The following ERBB4 variants were observed in gnomAD, a reference collection of about 807,000 sequenced individuals.
The protein encoded by ERBB4 is erb-b2 receptor tyrosine kinase 4, also known as receptor tyrosine-protein kinase erbB-4.
In ERBB4, 42 loss-of-function variants were observed where a neutral mutation model predicts 158.0. That is an observed-to-expected ratio of 0.27 (90% CI 0.21 to 0.34). ERBB4 has a LOEUF of 0.34. ERBB4 is among the 10% of genes least tolerant of loss of function. ERBB4 has a pLI of 1.00. For missense variants in ERBB4, 1,333 were observed against 1,624.1 expected (o/e 0.82, Z 3.08); for synonymous variants, 583 against 558.7 (o/e 1.04, Z -0.61).
At chr2:212,519,651 C>A (rs554478750) in intron 1 of ERBB4, among the ~76,000 whole-genome samples, 3 of 151,834 alleles carry the variant, frequency 2.0e-5, no homozygotes, top group African/African-American at 7.2e-5. Context: ...CTGGGTGAAT[C>A]TGTCGGACAT....
Position 211,954,661 on chromosome 2 carries a change from G to T in ERBB4, c.235-7045C>A, listed in dbSNP as rs571052141. Among the ~76,000 whole-genome samples, 12 of 152,108 alleles carry T rather than the reference G, an allele frequency of 7.9e-5. No homozygotes were observed. In the East Asian group the frequency reaches 2.1e-3, roughly 27 times the overall value. Reference sequence around the variant, plus strand: ...ACAGAGAACTATGGTGGTAAGAGGGGGGGTAATAGAAAGTCCCTTCTGCTG... The same window carrying T: ...ACAGAGAACTATGGTGGTAAGAGGGTGGGTAATAGAAAGTCCCTTCTGCTG... On this transcript the variant is annotated intron_variant, in intron 2 of 27. Coordinates refer to ENST00000342788, the MANE Select transcript of ERBB4 (RefSeq NM_005235.3).
intron 20 of ERBB4, among the ~76,000 whole-genome samples, chr2:211,521,992 CAAG>C (rs1412110720): frequency 1.3e-5 from 2 of 152,072 alleles, no homozygotes; most frequent in Non-Finnish European, 2.9e-5. Context: ...CAAAAATGTA[CAAG>C]AAGAACATTG....
intron 19 of ERBB4, among the ~76,000 whole-genome samples, chr2:211,593,735 G>A (rs2125797906): frequency 6.6e-6 from 1 of 152,256 alleles, no homozygotes; most frequent in East Asian, 1.9e-4. Context: ...GATACACTAT[G>A]TGCAAAACAA....
chr2:212,008,543 TTCAG>T (rs896653691), intron 2 of ERBB4, among the ~76,000 whole-genome samples: 2 of 152,100 alleles, frequency 1.3e-5, no homozygotes, highest in Non-Finnish European at 2.9e-5. Flanking sequence ...GCGCTGCACA[TTCAG>T]TCATTGTATT....
chr2:211,695,479 A>T (rs968685784), intron 12 of ERBB4, among the ~76,000 whole-genome samples: 27 of 152,350 alleles, frequency 1.8e-4, no homozygotes, highest in African/African-American at 6.3e-4. Context: ...TTTTAAAAAT[A>T]CTAAGTCTGT....
At chr2:212,371,584 A>C (rs2106384790) in intron 1 of ERBB4, among the ~76,000 whole-genome samples, 1 of 152,292 alleles carries the variant, frequency 6.6e-6, no homozygotes, top group African/African-American at 2.4e-5. Context: ...GCACTCATTT[A>C]TTTGTGGCCA....
At chr2:212,124,065 A>G (rs2079843055) in intron 2 of ERBB4, among the ~76,000 whole-genome samples, 1 of 152,184 alleles carries the variant, frequency 6.6e-6, no homozygotes, top group African/African-American at 2.4e-5. Context: ...AACATATTCC[A>G]GTTAAAGCAA....
Position 212,395,612 on chromosome 2 carries a change from CTCTTT to C in ERBB4, c.82+142832_82+142836del, listed in dbSNP as rs2091001298. Among the ~76,000 whole-genome samples the C allele has an allele frequency of 2.1e-5, 3 of 139,946 alleles. No individual in the cohort carries two copies. The East Asian group carries it at 6.2e-4, about 29-fold the overall frequency. 91.8% of individuals were successfully genotyped at this position (139,946 alleles called of 152,430 possible). ...CAGGACAGAATAGCAAACAGTTACA[CTCTTT>C]TTTTTTTTTTTTTTTTTTTTTGAGA... On this transcript the variant is annotated intron_variant, in intron 1 of 27. Transcript: ENST00000342788.
In ERBB4 at chr2:212,389,245, T is replaced by C. The variant is rs1371763760; in HGVS notation, c.82+149204A>G. 3.3e-5 allele frequency among the ~76,000 whole-genome samples: 5 copies of C among 152,024 alleles called. No individual in the cohort carries two copies. The East Asian group carries it at 9.7e-4, about 29-fold the overall frequency. On this transcript the variant is annotated intron_variant, in intron 1 of 27. Transcript: ENST00000342788. ...AAAAGAGGAGACAAAAAGTATGATTTAAAAATAGATACATATATTGAAAAT... is the reference window on the plus strand; with the variant it reads ...AAAAGAGGAGACAAAAAGTATGATTCAAAAATAGATACATATATTGAAAAT...
At chr2:211,679,234 A>T (rs576648162) in intron 12 of ERBB4, 50 bp from the exon 13 acceptor site, 1 of 1,602,124 alleles carries the variant, frequency 6.2e-7, no homozygotes, top group African/African-American at 1.3e-5. Flanking sequence ...TTGTGTCAAA[A>T]CTTAAAATCT....
chr2:211,789,920 T>C (rs1431685349), intron 3 of ERBB4, among the ~76,000 whole-genome samples: 1 of 152,072 alleles, frequency 6.6e-6, no homozygotes, highest in Non-Finnish European at 1.5e-5. Flanking sequence ...TAGTTCTTTC[T>C]ACATTTAAAA....
Position 212,191,667 on chromosome 2 carries a change from A to G in ERBB4, c.83-66764T>C, listed in dbSNP as rs1408538629. Among the ~76,000 whole-genome samples the G allele has an allele frequency of 2.0e-5, 3 of 149,462 alleles. No homozygotes were observed. The East Asian group carries it at 5.9e-4, about 29-fold the overall frequency. On this transcript the variant is annotated intron_variant, in intron 1 of 27. Coordinates refer to ENST00000342788, the MANE Select transcript of ERBB4 (RefSeq NM_005235.3). ...ATATAACACATGCGTTATACATGTC[A>G]TATATCGCGTGTGTTATACATGTTA...
Position 211,535,091 on chromosome 2 carries a change from C to T in ERBB4, c.2487+26812G>A, listed in dbSNP as rs567135280. Among the ~76,000 whole-genome samples, 4 of 152,128 alleles carry T rather than the reference C, an allele frequency of 2.6e-5. No homozygotes were observed. In the South Asian group the frequency reaches 8.3e-4, roughly 32 times the overall value. On this transcript the variant is annotated intron_variant, in intron 20 of 27. Transcript: ENST00000342788. ...CTGCTCAGGAGTTTATTGTTACAGT[C>T]ACCTTTGTTTCCAACGGGGAAAATT...
chr2:211,854,387 A>G (rs1202644156), intron 3 of ERBB4, among the ~76,000 whole-genome samples: 1 of 152,072 alleles, frequency 6.6e-6, no homozygotes, highest in Non-Finnish European at 1.5e-5. Context: ...CAATTTTCAC[A>G]TTTTTTTAAA....
chr2:211,744,965 A>G (rs2074917379), intron 5 of ERBB4, among the ~76,000 whole-genome samples: 1 of 152,248 alleles, frequency 6.6e-6, no homozygotes, highest in Non-Finnish European at 1.5e-5. Context: ...GTCATTTGTA[A>G]ATAACATCTG....
intron 20 of ERBB4, among the ~76,000 whole-genome samples, chr2:211,489,880 TAA>T (rs1400887764): frequency 6.6e-6 from 1 of 152,058 alleles, no homozygotes; most frequent in African/African-American, 2.4e-5. Flanking sequence ...TCTTGACTTT[TAA>T]AAGTTTATAG....
intron 1 of ERBB4, among the ~76,000 whole-genome samples, chr2:212,379,010 A>C (rs2090419144): frequency 6.6e-6 from 1 of 151,786 alleles, no homozygotes; most frequent in Non-Finnish European, 1.5e-5. Flanking sequence ...ATGTCATTAC[A>C]TTTATAGTAG....
At chr2:211,402,951 T>G (rs567162331) in intron 25 of ERBB4, among the ~76,000 whole-genome samples, 1 of 152,068 alleles carries the variant, frequency 6.6e-6, no homozygotes, top group Non-Finnish European at 1.5e-5. Flanking sequence ...TGGATTTACC[T>G]TGAAGCAATG....
chr2:211,502,918 T>C (rs2065652407), intron 20 of ERBB4, among the ~76,000 whole-genome samples: 2 of 152,126 alleles, frequency 1.3e-5, no homozygotes, highest in African/African-American at 4.8e-5. Flanking sequence ...CAGGTAAGCC[T>C]TGGACTTCAA....
Sources: allele counts gnomAD v4.1 joint callset (sites outside exome capture counted in the v4.1 genomes callset), GRCh38; gene constraint gnomAD v4.1.1; transcripts MANE v1.5; gene names NCBI Gene and HGNC (gene_info 2026-07-23, HGNC 2026-07-21).